Variants in CYP3A5 observed in about 807,000 individuals in gnomAD.
The protein encoded by CYP3A5 is cytochrome P450 3A5.
CYP3A5 carries 51 observed loss-of-function variants against 55.9 expected under a neutral mutation model. The observed-to-expected ratio is 0.91, with a 90% CI of 0.73 to 1.15. The LOEUF (loss-of-function observed/expected upper bound fraction) is 1.15. Among genes scored for constraint, CYP3A5 ranks in the 50% most tolerant of loss-of-function variants. The pLI is 0.00. For synonymous variants in CYP3A5, 196 were observed against 213.9 expected (o/e 0.92, Z 0.73); for missense variants, 533 against 596.6 (o/e 0.89, Z 1.11).
At chr7:99,679,629 G>T (rs1232571064) in intron 1 of CYP3A5, among the ~76,000 whole-genome samples, 197 bp downstream of exon 1, 4 of 152,144 alleles carry the variant, frequency 2.6e-5, no homozygotes, top group Non-Finnish European at 5.9e-5. Flanking sequence ...ATTAGAAGGT[G>T]GATGGGAGAA....
intron 11 of CYP3A5, among the ~76,000 whole-genome samples, chr7:99,651,434 G>T (rs1809178434): frequency 6.6e-6 from 1 of 152,162 alleles, no homozygotes; most frequent in Non-Finnish European, 1.5e-5. Context: ...ACAGCGAGTG[G>T]TCTCTGATTT....
chr7:99,677,561 TC>T (rs1201176681), intron 1 of CYP3A5, among the ~76,000 whole-genome samples: 2 of 152,184 alleles, frequency 1.3e-5, no homozygotes, highest in African/African-American at 4.8e-5. Context: ...CAGTATAGGT[TC>T]CAAACATTTT....
At chr7:99,669,598 C>T (rs1027050576) in intron 4 of CYP3A5, among the ~76,000 whole-genome samples, 1 of 152,110 alleles carries the variant, frequency 6.6e-6, no homozygotes, top group Non-Finnish European at 1.5e-5. Flanking sequence ...TATTGAAAGA[C>T]GTTTGGAGAG....
chr7:99,664,369 C>A (rs1432497498), intron 7 of CYP3A5, among the ~76,000 whole-genome samples: 3 of 152,168 alleles, frequency 2.0e-5, no homozygotes, highest in Non-Finnish European at 4.4e-5. Context: ...GACCTCTTAG[C>A]CTTTATCTAT....
At chr7:99,679,123 A>G (rs150808902) in intron 1 of CYP3A5, among the ~76,000 whole-genome samples, 108 of 152,314 alleles carry the variant, frequency 7.1e-4, no homozygotes, top group African/African-American at 2.5e-3. Context: ...CAAAGAATAA[A>G]TCCTCGAAAC....
chr7:99,660,109 C>A (rs1289742438), intron 10 of CYP3A5: 1 of 658,776 alleles, frequency 1.5e-6, no homozygotes, highest in Non-Finnish European at 1.9e-6. Flanking sequence ...TGAGATGCAC[C>A]CGGTACCTCA....
chr7:99,667,659 C>T (rs149696715), intron 4 of CYP3A5, among the ~76,000 whole-genome samples: 65 of 152,266 alleles, frequency 4.3e-4, no homozygotes, highest in African/African-American at 1.4e-3. Flanking sequence ...CTTTTCCCAA[C>T]TTGGGGCTGG....
chr7:99,671,074 A>G (rs1021369499), intron 4 of CYP3A5: 3 of 151,764 alleles, frequency 2.0e-5, no homozygotes, highest in Admixed American at 2.0e-4. Context: ...ATTTTTGCTT[A>G]TCTGTGGTGG....
rs1810750361 is a variant in CYP3A5, at chr7:99,664,229, T to A, written c.671-134A>T. The A allele has an allele frequency of 4.8e-6, 4 of 830,758 alleles. No individual in the cohort carries two copies. The East Asian group carries it at 8.1e-5, about 17-fold the overall frequency. 51.5% of individuals were successfully genotyped at this position (830,758 alleles called of 1,614,324 possible). ...CAACTGGAACCCATTCCTTTTATCATGTTTGCCCTTCTTTCAGGCCGGCGA... is the reference window on the plus strand; with the variant it reads ...CAACTGGAACCCATTCCTTTTATCAAGTTTGCCCTTCTTTCAGGCCGGCGA... On this transcript the variant is annotated intron_variant, in intron 7 of 12. Coordinates refer to ENST00000222982, the MANE Select transcript of CYP3A5 (RefSeq NM_000777.5).
chr7:99,649,751 C>A (rs543847164), intron 12 of CYP3A5, among the ~76,000 whole-genome samples: 2 of 152,326 alleles, frequency 1.3e-5, no homozygotes, highest in African/African-American at 4.8e-5. Context: ...CCATTTAAGT[C>A]ACAGCCAGGT....
intron 1 of CYP3A5, chr7:99,677,242 G>A (rs1271888371): frequency 2.0e-6 from 2 of 985,300 alleles, no homozygotes; most frequent in Non-Finnish European, 1.2e-6. Context: ...TGGAAAACTG[G>A]AGGAAGAAGA....
chr7:99,667,305 T>A (rs1299318508), intron 4 of CYP3A5, among the ~76,000 whole-genome samples: 1 of 152,192 alleles, frequency 6.6e-6, no homozygotes, highest in Admixed American at 6.5e-5. Flanking sequence ...TGCCTCTATA[T>A]CTCAGTCTCC....
chr7:99,652,919 TAATA>T, intron 10 of CYP3A5, 140 bp from the exon 11 acceptor site: 3 of 670,220 alleles, frequency 4.5e-6, no homozygotes, highest in Non-Finnish European at 5.1e-6. Context: ...TGAAGTATTT[TAATA>T]ACTGGCATGT....
At chr7:99,657,491 C>A (rs1396402588) in intron 10 of CYP3A5, among the ~76,000 whole-genome samples, 2 of 152,110 alleles carry the variant, frequency 1.3e-5, no homozygotes, top group African/African-American at 4.8e-5. Flanking sequence ...CTGAGGAGTG[C>A]TTTACTTCCA....
At position 99,662,036 on chromosome 7, in the gene CYP3A5, A is replaced by G. The variant is rs1387940325; in HGVS notation, c.865+780T>C. On this transcript the variant is annotated intron_variant, in intron 9 of 12. Transcript: ENST00000222982. This position sits in a 1 kb window ranked among gnomAD's most constrained non-coding sequence, Gnocchi z 4.3. ...CTTTATCACAGCAAGTTTTGTTGAG[A>G]TAGATAGATGATTAATTGATAAATT... Among the ~76,000 whole-genome samples the G allele has an allele frequency of 6.6e-6, 1 of 152,234 alleles. No homozygotes were observed. The highest frequency in any genetic ancestry group is 1.5e-5 in the Non-Finnish European group (1 of 68,040).
rs1298319076 is a variant in CYP3A5, at chr7:99,662,907, T to G, written c.799-25A>C. ...GCTAGAAGCAAAAGGAGAGATTTCTTTGGCAGAAAGTGACTCGTGAAGTCA... is the reference window on the plus strand; with the variant it reads ...GCTAGAAGCAAAAGGAGAGATTTCTGTGGCAGAAAGTGACTCGTGAAGTCA... On this transcript the variant is annotated intron_variant, in intron 8 of 12. Transcript: ENST00000222982. The surrounding 1 kb of genome is among the most constrained non-coding windows in gnomAD (Gnocchi z 4.3). 1.2e-6 allele frequency: 2 copies of G among 1,613,162 alleles called. No individual in the cohort carries two copies. The highest frequency in any genetic ancestry group is 1.7e-6 in the Non-Finnish European group (2 of 1,179,410).
At chr7:99,679,471 G>A (rs1224766859) in intron 1 of CYP3A5, among the ~76,000 whole-genome samples, 1 of 152,154 alleles carries the variant, frequency 6.6e-6, no homozygotes, top group African/African-American at 2.4e-5. Flanking sequence ...CAGAGCCTGG[G>A]AAGGGGATGA....
intron 3 of CYP3A5, chr7:99,672,906 G>A (rs1279891759): frequency 1.5e-6 from 2 of 1,339,528 alleles, no homozygotes; most frequent in South Asian, 2.0e-5. Flanking sequence ...GTCCAAACAG[G>A]GAAGAGATAT....
chr7:99,674,579 A>G lies in CYP3A5; in HGVS notation c.172T>C (p.Trp58Arg). 6.2e-7 allele frequency: 1 copy of G among 1,613,458 alleles called. No individual in the cohort carries two copies. Among genetic ancestry groups the G allele is most frequent in the Non-Finnish European group, 8.5e-7 (1 of 1,179,492 alleles). Residue 58 changes from tryptophan to arginine, a missense_variant, in exon 3 of 13, where the codon TGG (tryptophan) becomes CGG (arginine). Trp to Arg is a moderately radical substitution (Grantham distance 101, BLOSUM62 -3). Coordinates refer to ENST00000222982, the MANE Select transcript of CYP3A5 (RefSeq NM_000777.5). ...TTATAGCACTCTGTGTCAAATTTCC[A>G]GAGACCCTGGGAGAGGAAACAAAAT... is the stretch of plus-strand genomic sequence containing the variant. ...GNVLSYRQGL[W>R]KFDTECYKKY... is the part of the protein sequence containing the mutation.
Sources: gnomAD v4.1 joint callset for allele counts (sites outside exome capture counted in the v4.1 genomes callset) on GRCh38, gnomAD v4.1.1 for gene constraint, Gnocchi (gnomAD v3.1) non-coding constraint, MANE v1.5 for transcripts, NCBI Gene and HGNC (gene_info 2026-07-23, HGNC 2026-07-21) for gene names.